KCTD1: variants seen among roughly 807,000 people sequenced by gnomAD.
KCTD1 encodes the protein BTB/POZ domain-containing protein KCTD1.
KCTD1 carries 24 observed loss-of-function variants against 66.0 expected under a neutral mutation model. The observed-to-expected ratio is 0.36, with a 90% CI of 0.26 to 0.51. KCTD1 has a LOEUF of 0.51. KCTD1 is among the 20% of genes least tolerant of loss of function. The probability of loss-of-function intolerance (pLI) is 0.95; values close to 1 mark genes in which losing one functional copy is unlikely to be tolerated. For missense variants in KCTD1, 943 were observed against 1,205.2 expected (o/e 0.78, Z 3.22); for synonymous variants, 511 against 517.2 (o/e 0.99, Z 0.16).
chr18:26,656,247 G>A (rs1988134889), intron 1 of KCTD1, among the ~76,000 whole-genome samples: 1 of 152,038 alleles, frequency 6.6e-6, no homozygotes, highest in African/African-American at 2.4e-5. Flanking sequence ...CCGCAGCGCC[G>A]GGAAGAGGCG....
intron 1 of KCTD1, among the ~76,000 whole-genome samples, chr18:26,595,701 C>G (rs1326099728): frequency 1.3e-5 from 2 of 152,128 alleles, no homozygotes; most frequent in Non-Finnish European, 2.9e-5. Context: ...TTAGGTAGAC[C>G]CTCTTCTAAG....
At chr18:26,500,958 CT>C (rs1357931204) in intron 2 of KCTD1, 113 bp downstream of exon 2, 1 of 1,208,224 alleles carries the variant, frequency 8.3e-7, no homozygotes, top group Non-Finnish European at 1.2e-6. Context: ...TCACACAGCA[CT>C]TTCACATCCT....
intron 1 of KCTD1, among the ~76,000 whole-genome samples, chr18:26,588,048 C>T (rs1364929849): frequency 6.6e-6 from 1 of 152,160 alleles, no homozygotes; most frequent in East Asian, 1.9e-4. Context: ...GGGTAAAATG[C>T]CATCAAACAG....
At position 26,548,360 on chromosome 18, in the gene KCTD1, T is replaced by TTCC. The variant is rs755283423; in HGVS notation, c.174_176dup (p.Glu63dup). ...CCTGGATCTCGTCCTCCTCCTCCTC[T>TTCC]TCCTCCTCCTCCTCGCCCGCGCTGC... On this transcript the variant is annotated inframe_insertion, in exon 1 of 5. Coordinates refer to ENST00000580059, the MANE Select transcript of KCTD1 (RefSeq NM_001142730.3). 10 of 1,477,134 alleles carry TTCC rather than the reference T, an allele frequency of 6.8e-6. No individual in the cohort carries two copies. Among genetic ancestry groups the TTCC allele is most frequent in the East Asian group, 2.7e-5 (1 of 36,992 alleles). The allele number at this position is 1,477,134 out of a possible 1,614,324, so 91.5% of individuals were successfully genotyped here.
At chr18:26,600,795 CT>C (rs1986877068) in intron 1 of KCTD1, among the ~76,000 whole-genome samples, 1 of 151,904 alleles carries the variant, frequency 6.6e-6, no homozygotes, top group Non-Finnish European at 1.5e-5. Context: ...AGTCAAGTGT[CT>C]CACAACCTCC....
chr18:26,476,722 G>A lies in KCTD1; in HGVS notation c.1989-63C>T, dbSNP rs112645183. 44 of 1,471,648 alleles carry A rather than the reference G, an allele frequency of 3.0e-5. 1 individual carries two copies. Among genetic ancestry groups the A allele is most frequent in the African/African-American group, 2.3e-4 (16 of 70,794 alleles). The allele number at this position is 1,471,648 out of a possible 1,614,324, so 91.2% of individuals were successfully genotyped here. On this transcript the variant is annotated intron_variant, in intron 2 of 4. Transcript: ENST00000580059. This position sits in a 1 kb window ranked among gnomAD's most constrained non-coding sequence, Gnocchi z 4.9. Reference sequence around the variant, plus strand: ...TCAATTGTTCGGGCACTAGGACTAAGAGGTGTCTTTTATCACTGTCAAAGG... The same window carrying A: ...TCAATTGTTCGGGCACTAGGACTAAAAGGTGTCTTTTATCACTGTCAAAGG...
intron 3 of KCTD1, among the ~76,000 whole-genome samples, chr18:26,475,253 T>C (rs1981281259): frequency 1.3e-5 from 2 of 152,344 alleles, no homozygotes; most frequent in South Asian, 4.1e-4. Context: ...ACGCTTTTTT[T>C]CTTCTACACA....
At chr18:26,618,465 C>T (rs1176395650) in intron 1 of KCTD1, among the ~76,000 whole-genome samples, 2 of 152,126 alleles carry the variant, frequency 1.3e-5, no homozygotes, top group Non-Finnish European at 2.9e-5. Context: ...CTCAGAGAAC[C>T]GCAAATCAAG....
At chr18:26,473,208 G>A (rs1447720889) in intron 3 of KCTD1, among the ~76,000 whole-genome samples, 5 of 152,214 alleles carry the variant, frequency 3.3e-5, no homozygotes, top group East Asian at 1.9e-4. Flanking sequence ...ATTGGAAATC[G>A]CTCCTTGGAA....
At chr18:26,591,820 T>C (rs750210470) in intron 1 of KCTD1, among the ~76,000 whole-genome samples, 2 of 152,222 alleles carry the variant, frequency 1.3e-5, no homozygotes, top group Non-Finnish European at 2.9e-5. Flanking sequence ...GCACTCCTGG[T>C]GTGTCAAACA....
intron 2 of KCTD1, among the ~76,000 whole-genome samples, chr18:26,497,137 A>G (rs1430358776): frequency 6.6e-6 from 1 of 152,206 alleles, no homozygotes. Flanking sequence ...AAACACCTAC[A>G]ACATTTCAAA....
intron 1 of KCTD1, among the ~76,000 whole-genome samples, chr18:26,504,419 C>T (rs1269068675): frequency 1.3e-5 from 2 of 152,252 alleles, no homozygotes; most frequent in Middle Eastern, 3.4e-3. Flanking sequence ...TTAGTAGAGA[C>T]AGGGTTTCGC....
chr18:26,461,955 A>G (rs1431309252), intron 3 of KCTD1, among the ~76,000 whole-genome samples: 1 of 152,034 alleles, frequency 6.6e-6, no homozygotes, highest in Admixed American at 6.6e-5. Context: ...CGTCTCTACT[A>G]AAAATACAAA....
At chr18:26,606,319 C>T (rs1987014698) in intron 1 of KCTD1, among the ~76,000 whole-genome samples, 1 of 152,176 alleles carries the variant, frequency 6.6e-6, no homozygotes, top group Non-Finnish European at 1.5e-5. Context: ...TGCCCCTTCC[C>T]ATCATGGCTG....
At chr18:26,533,191 C>A (rs1984532200) in intron 1 of KCTD1, among the ~76,000 whole-genome samples, 1 of 152,148 alleles carries the variant, frequency 6.6e-6, no homozygotes, top group Non-Finnish European at 1.5e-5. Context: ...ATGTAGTAGC[C>A]CTCTTACCAA....
At chr18:26,562,133 T>C (rs994666430) in intron 1 of KCTD1, among the ~76,000 whole-genome samples, 1 of 152,136 alleles carries the variant, frequency 6.6e-6, no homozygotes, top group African/African-American at 2.4e-5. Context: ...GGCACCACAA[T>C]TCACCCTGTA....
chr18:26,644,215 T>C (rs1258445248), upstream of KCTD1, among the ~76,000 whole-genome samples: 1 of 152,082 alleles, frequency 6.6e-6, no homozygotes, highest in African/African-American at 2.4e-5. Context: ...GATGAATGGA[T>C]GGATGTTGTA....
chr18:26,636,206 G>A (rs567853235), intron 1 of KCTD1, among the ~76,000 whole-genome samples: 8 of 152,280 alleles, frequency 5.3e-5, no homozygotes, highest in African/African-American at 1.9e-4. Flanking sequence ...AGTCAGAAGA[G>A]GGGGGAGTTT....
At position 26,505,289 on chromosome 18, in the gene KCTD1, A is replaced by G. The variant is rs535302082; in HGVS notation, c.1810-4039T>C. Among the ~76,000 whole-genome samples, 559 of 152,352 alleles carry G rather than the reference A, an allele frequency of 3.7e-3. 4 individuals are homozygous for G. Among genetic ancestry groups the G allele is most frequent in the Non-Finnish European group, 6.3e-3 (428 of 68,036 alleles). ...TCATCTTAGTTTGTGTATGTCTTTCAGGATTACTTCTGGAGAAAGGAAAAC... is the reference window on the plus strand; with the variant it reads ...TCATCTTAGTTTGTGTATGTCTTTCGGGATTACTTCTGGAGAAAGGAAAAC... On this transcript the variant is annotated intron_variant, in intron 1 of 4. Transcript: ENST00000580059.
Sources: gnomAD v4.1 joint callset for allele counts (sites outside exome capture counted in the v4.1 genomes callset) on GRCh38, gnomAD v4.1.1 for gene constraint, Gnocchi (gnomAD v3.1) non-coding constraint, MANE v1.5 for transcripts, NCBI Gene and HGNC (gene_info 2026-07-23, HGNC 2026-07-21) for gene names.